POLR1E: variants seen among roughly 807,000 people sequenced by gnomAD.
POLR1E encodes the protein DNA-directed RNA polymerase I subunit RPA49.
A neutral mutation model predicts 50.9 loss-of-function variants in POLR1E; 37 were observed. That is an observed-to-expected ratio of 0.73 (90% CI 0.56 to 0.96). The LOEUF (loss-of-function observed/expected upper bound fraction) is 0.96, where lower values mean the gene tolerates loss of function less well. POLR1E is among the 40% of genes least tolerant of loss of function. The probability of loss-of-function intolerance (pLI) is 0.00; values close to 1 mark genes in which losing one functional copy is unlikely to be tolerated. For missense variants in POLR1E, 426 were observed against 518.1 expected (o/e 0.82, Z 1.73); for synonymous variants, 166 against 191.6 (o/e 0.87, Z 1.10).
intron 6 of POLR1E, among the ~76,000 whole-genome samples, chr9:37,494,417 G>A (rs1014327917): frequency 1.3e-5 from 2 of 152,100 alleles, no homozygotes; most frequent in Non-Finnish European, 2.9e-5. Context: ...TGATTATATA[G>A]ATTTCAACAC....
rs768091738 is a variant in POLR1E at position 37,486,010 on chromosome 9, C to T, written c.-38C>T. 51 of 1,578,528 alleles carry T rather than the reference C, an allele frequency of 3.2e-5. No individual in the cohort carries two copies. The highest frequency in any genetic ancestry group is 4.3e-5 in the Non-Finnish European group (50 of 1,164,040). On this transcript the variant is annotated 5_prime_UTR_variant, in exon 1 of 12. Transcript: ENST00000377798. ...TTTAAAAGTGCGCTTGTGGCTGCTG[C>T]TGTCTTAACTCCTGTGCTTGGCGGA...
chr9:37,487,046 A>G (rs1000655114), intron 2 of POLR1E, among the ~76,000 whole-genome samples: 1 of 152,222 alleles, frequency 6.6e-6, no homozygotes, highest in Non-Finnish European at 1.5e-5. Flanking sequence ...AGCTTCTAGG[A>G]AAACAGCCAA....
chr9:37,503,273 T>C lies in POLR1E; in HGVS notation c.*71T>C. On this transcript the variant is annotated 3_prime_UTR_variant, in exon 12 of 12. Transcript: ENST00000377798. ...GGCTGGTCCTATTCATTTCCATTTT[T>C]ATGTATGTTTTGAAAAGAAAAGGTC... is the stretch of plus-strand genomic sequence containing the variant. 6.7e-7 allele frequency: 1 copy of C among 1,495,992 alleles called. No homozygotes were observed. The highest frequency in any genetic ancestry group is 8.9e-7 in the Non-Finnish European group (1 of 1,120,724). The allele number at this position is 1,495,992 out of a possible 1,614,324, so 92.7% of individuals were successfully genotyped here. A position where few individuals can be genotyped will look rare whatever the true frequency, so the allele number is the denominator to read the frequency against.
chr9:37,493,377 A>T (rs1820719357), intron 5 of POLR1E, among the ~76,000 whole-genome samples, 182 bp from the exon 6 acceptor site: 1 of 152,182 alleles, frequency 6.6e-6, no homozygotes, highest in Non-Finnish European at 1.5e-5. Flanking sequence ...TTGATTGATC[A>T]ATCTGTTAAT....
At chr9:37,488,262 G>C (rs537280826) in intron 3 of POLR1E, among the ~76,000 whole-genome samples, 1 of 152,308 alleles carries the variant, frequency 6.6e-6, no homozygotes, top group South Asian at 2.1e-4. Flanking sequence ...GTTTACCTGG[G>C]AACTAACGAC....
intron 9 of POLR1E, among the ~76,000 whole-genome samples, chr9:37,499,016 G>T (rs7022491): frequency 6.6e-6 from 1 of 152,102 alleles, no homozygotes; most frequent in East Asian, 1.9e-4. Context: ...CTGTTCCTAG[G>T]CTGCAAACCT....
chr9:37,486,800 G>T lies in POLR1E; in HGVS notation c.174G>T (p.Arg58=), dbSNP rs764881660. 1 of 1,609,504 alleles carries T rather than the reference G, an allele frequency of 6.2e-7. No individual in the cohort carries two copies. Among genetic ancestry groups the T allele is most frequent in the Non-Finnish European group, 8.5e-7 (1 of 1,178,592 alleles). The change falls in exon 2 of 12, where the codon CGG becomes CGT. Residue 58 remains arginine, a synonymous_variant. Coordinates refer to ENST00000377798, the MANE Select transcript of POLR1E (RefSeq NM_022490.4). ...CCAACCCCAGGAAGAGGAATCAACG[G>T]ATCCTGGTAAGTGAAGCAGTTGCCA... ...DSTNPRKRNQ[R]ILAAETDRLS...
chr9:37,500,155 TTTTTGTTTTGTTTTGTTTTGTTTTG>T (rs139118594), intron 9 of POLR1E, among the ~76,000 whole-genome samples: 4 of 146,004 alleles, frequency 2.7e-5, no homozygotes, highest in Admixed American at 1.4e-4. Context: ...AGCCAGTTGT[TTTTTGTTTTGTTTTGTTTTGTTTTG>T]TTTTGTTTTG....
In POLR1E at chr9:37,502,822, G is replaced by A. The variant is rs3739573; in HGVS notation, c.1101-221G>A. 0.22 allele frequency among the ~76,000 whole-genome samples: 32,790 copies of A among 152,164 alleles called. 3,707 individuals are homozygous for A. The highest frequency in any genetic ancestry group is 0.26 in the East Asian group (1,361 of 5,186). On this transcript the variant is annotated intron_variant, in intron 11 of 11. Coordinates refer to ENST00000377798, the MANE Select transcript of POLR1E (RefSeq NM_022490.4). ...TACCCTGGTTTTTCATCACCCATAT[G>A]GATCTTTTGAAGGGCATTAAAATGA...
intron 11 of POLR1E, 141 bp from the exon 12 acceptor site, chr9:37,502,902 C>T (rs979351982): frequency 2.3e-6 from 2 of 875,686 alleles, no homozygotes; most frequent in Admixed American, 5.3e-5. Context: ...GCCTCTCTGC[C>T]AGGGGCTTTG....
chr9:37,490,483 C>A, intron 4 of POLR1E: 1 of 884,052 alleles, frequency 1.1e-6, no homozygotes, highest in Non-Finnish European at 1.9e-6. Context: ...TTGGTTCTCA[C>A]CAAGTGTGCT....
chr9:37,498,007 C>T, intron 8 of POLR1E, 84 bp from the exon 9 acceptor site: 7 of 1,484,226 alleles, frequency 4.7e-6, no homozygotes, highest in Non-Finnish European at 6.4e-6. Context: ...GAGGCGCCTG[C>T]TGTTCTCGTT....
intron 11 of POLR1E, among the ~76,000 whole-genome samples, chr9:37,502,213 T>G (rs1820904247): frequency 6.6e-6 from 1 of 152,198 alleles, no homozygotes; most frequent in African/African-American, 2.4e-5. Context: ...GCCTCCATTC[T>G]CTGAATTGCT....
At chr9:37,500,630 T>G (rs1284219169) in intron 9 of POLR1E, among the ~76,000 whole-genome samples, 1 of 152,220 alleles carries the variant, frequency 6.6e-6, no homozygotes, top group Non-Finnish European at 1.5e-5. Context: ...ATCACCAGCA[T>G]CTCTCGTGCA....
chr9:37,495,853 C>A, intron 7 of POLR1E, 37 bp from the exon 8 acceptor site: 1 of 1,471,566 alleles, frequency 6.8e-7, no homozygotes, highest in Non-Finnish European at 9.5e-7. Flanking sequence ...TTGGATGTTT[C>A]TATTTTGGTT....
chr9:37,490,412 A>G, intron 4 of POLR1E: 1 of 750,048 alleles, frequency 1.3e-6, no homozygotes, highest in South Asian at 1.4e-5. Context: ...TTCATTTTTT[A>G]AACACCTGTC....
At chr9:37,500,971 G>C (rs777919305) in intron 10 of POLR1E, 50 bp downstream of exon 10, 1 of 1,515,682 alleles carries the variant, frequency 6.6e-7, no homozygotes, top group Non-Finnish European at 9.1e-7. Flanking sequence ...AAGTAGGTGG[G>C]GGTTGGGAGT....
At chr9:37,490,856 T>C (rs1820670896) in intron 4 of POLR1E, 2 of 565,564 alleles carry the variant, frequency 3.5e-6, no homozygotes, top group East Asian at 4.4e-5. Flanking sequence ...AGAGAACATA[T>C]ATTGGGTGCC....
chr9:37,486,529 CCTCTT>C, intron 1 of POLR1E, 169 bp from the exon 2 acceptor site: 1 of 1,565,632 alleles, frequency 6.4e-7, no homozygotes, highest in Non-Finnish European at 8.7e-7. Context: ...CTCCCTACCT[CCTCTT>C]CTCAGCTGGC....
Sources: allele counts gnomAD v4.1 joint callset (sites outside exome capture counted in the v4.1 genomes callset), GRCh38; gene constraint gnomAD v4.1.1; transcripts MANE v1.5; gene names NCBI Gene and HGNC (gene_info 2026-07-23, HGNC 2026-07-21).